The following RPS29 variants were observed in gnomAD, a reference collection of about 807,000 sequenced individuals.
The protein encoded by RPS29 is small ribosomal subunit protein uS14.
For missense variants in RPS29, 60 were observed against 75.7 expected, an observed-to-expected ratio of 0.79 and a Z score of 0.77; for synonymous variants, 37 against 26.9, an observed-to-expected ratio of 1.37 and a Z score of -1.16.
chr14:49,580,128 T>C (rs929291251), downstream of RPS29, among the ~76,000 whole-genome samples: 2 of 152,190 alleles, frequency 1.3e-5, no homozygotes, highest in Non-Finnish European at 2.9e-5. Context: ...ACAGAATTTA[T>C]ACCAGGCCAT....
chr14:49,596,909 TTTC>T lies in RPS29; in HGVS notation c.-133+1488_-133+1490del, dbSNP rs537946970. On this transcript the variant is annotated intron_variant, in intron 1 of 3. Coordinates refer to the RPS29 transcript ENST00000556230. Reference sequence around the variant, plus strand: ...GCGCGCCGCCCCGCCCAACTAATTTTTTCTTCTTCTTTTTTTTTTTTTTTTTTG... The same window carrying T: ...GCGCGCCGCCCCGCCCAACTAATTTTTTCTTCTTTTTTTTTTTTTTTTTTG... 2.3e-3 allele frequency among the ~76,000 whole-genome samples: 342 copies of T among 149,064 alleles called. 3 individuals carry two copies. Among genetic ancestry groups the T allele is most frequent in the Admixed American group, 3.3e-3 (48 of 14,434 alleles).
downstream of RPS29, chr14:49,583,540 G>A: frequency 1.1e-6 from 1 of 936,372 alleles, no homozygotes; most frequent in Non-Finnish European, 1.6e-6. Context: ...TAAACAATTA[G>A]CTATTCCAGT....
downstream of RPS29, among the ~76,000 whole-genome samples, chr14:49,582,531 T>C (rs1405098377): frequency 6.6e-6 from 1 of 152,248 alleles, no homozygotes; most frequent in Non-Finnish European, 1.5e-5. Flanking sequence ...ATGCACATTA[T>C]TATGTATTGC....
downstream of RPS29, among the ~76,000 whole-genome samples, chr14:49,581,598 TTC>T (rs1476655175): frequency 2.0e-5 from 3 of 152,246 alleles, no homozygotes; most frequent in East Asian, 1.9e-4. Flanking sequence ...CCGGCTAATT[TTC>T]TCTTTTAAAT....
chr14:49,585,025 T>C (rs190546520), intron 2 of RPS29, among the ~76,000 whole-genome samples: 214 of 152,224 alleles, frequency 1.4e-3, no homozygotes, highest in Middle Eastern at 3.4e-3. Flanking sequence ...ATCTTAACAA[T>C]GTCTTTCCGG....
chr14:49,576,595 T>C (rs189035674), exon 3 of RPS29: 12 of 152,358 alleles, frequency 7.9e-5, no homozygotes, highest in Admixed American at 3.9e-4. Context: ...TTTAAAACTG[T>C]TGAAGGCCAG....
chr14:49,572,959 T>C (rs1339488664), exon 3 of RPS29: 3 of 151,960 alleles, frequency 2.0e-5, no homozygotes, highest in African/African-American at 7.3e-5. Context: ...CCCAGATACT[T>C]GGGAGGCTGA....
At chr14:49,587,083 G>T (rs989264682), upstream of RPS29, among the ~76,000 whole-genome samples, 1 of 151,968 alleles carries the variant, frequency 6.6e-6, no homozygotes, top group Non-Finnish European at 1.5e-5. Flanking sequence ...CAACGGTAGG[G>T]TTTGCTTTTA....
downstream of RPS29, among the ~76,000 whole-genome samples, chr14:49,581,997 C>T (rs1263109130): frequency 3.2e-5 from 4 of 123,896 alleles, no homozygotes; most frequent in Non-Finnish European, 6.4e-5. Context: ...GGTGATAGAG[C>T]AAGACCCTGC....
exon 3 of RPS29, chr14:49,576,016 G>T (rs1881169828): frequency 6.6e-6 from 1 of 151,940 alleles, no homozygotes; most frequent in Non-Finnish European, 1.5e-5. Flanking sequence ...CTAATTTTTG[G>T]ACCCTGTATA....
At chr14:49,598,309 A>G (rs1358656425) in intron 1 of RPS29, 5 of 607,584 alleles carry the variant, frequency 8.2e-6, no homozygotes, top group African/African-American at 1.9e-5. Flanking sequence ...TCAATCAATC[A>G]AGAAAATCAA....
chr14:49,593,368 T>G (rs1227428278), intron 1 of RPS29, among the ~76,000 whole-genome samples: 1 of 152,106 alleles, frequency 6.6e-6, no homozygotes, highest in East Asian at 1.9e-4. Context: ...TTGAACAGGA[T>G]AAAATTCCTC....
intron 1 of RPS29, 87 bp from the exon 2 acceptor site, chr14:49,586,136 C>T: frequency 7.0e-7 from 1 of 1,426,832 alleles, no homozygotes; most frequent in East Asian, 2.3e-5. Context: ...CCCGGGACTC[C>T]CAAGCCACAG....
intron 1 of RPS29, chr14:49,597,585 C>T (rs1464312693): frequency 6.6e-6 from 1 of 152,064 alleles, no homozygotes; most frequent in Non-Finnish European, 1.5e-5. Context: ...TAAAGTTTTG[C>T]TTAAATGCTG....
downstream of RPS29, among the ~76,000 whole-genome samples, chr14:49,579,590 G>T (rs188397490): frequency 6.6e-6 from 1 of 152,274 alleles, no homozygotes; most frequent in Admixed American, 6.5e-5. Context: ...ATGGTTGTTT[G>T]GGCCTCTCCT....
exon 3 of RPS29, chr14:49,573,567 G>C (rs1265104546): frequency 6.6e-6 from 1 of 151,470 alleles, no homozygotes; most frequent in Non-Finnish European, 1.5e-5. Context: ...CAGAATTTCA[G>C]AAGCTATATT....
At chr14:49,593,716 A>AAAG (rs11373559) in intron 1 of RPS29, among the ~76,000 whole-genome samples, 9 of 148,610 alleles carry the variant, frequency 6.1e-5, no homozygotes, top group African/African-American at 2.2e-4. Context: ...AAAAAAAAAA[A>AAAG]GACGTTTTAA....
downstream of RPS29, chr14:49,583,516 G>GA (rs1344633553): frequency 5.1e-6 from 4 of 781,506 alleles, no homozygotes; most frequent in East Asian, 1.3e-4. Flanking sequence ...AAAAAAAAAA[G>GA]AAAAAGATTT....
At chr14:49,598,684 C>T (rs1031968956), upstream of RPS29, 1 of 700,294 alleles carries the variant, frequency 1.4e-6, no homozygotes, top group Admixed American at 2.0e-5. Flanking sequence ...CGGAATCCTC[C>T]CCGAACAGAA....
Sources: gnomAD v4.1 joint callset for allele counts (sites outside exome capture counted in the v4.1 genomes callset) on GRCh38, gnomAD v4.1.1 for gene constraint, MANE v1.5 for transcripts, NCBI Gene and HGNC (gene_info 2026-07-23, HGNC 2026-07-21) for gene names.